CEP72: variants seen among roughly 807,000 people sequenced by gnomAD.
CEP72 encodes centrosomal protein of 72 kDa.
Under a neutral mutation model 65.7 loss-of-function variants are expected in CEP72, and 78 were observed. The ratio of observed to expected loss-of-function variants is 1.19; its 90% CI spans 0.99 to 1.43. The LOEUF is 1.43. CEP72 is among the 40% of genes most tolerant of loss of function. The pLI, the probability that CEP72 is intolerant of heterozygous loss-of-function variation, is 0.00. For synonymous variants in CEP72, 358 were observed against 351.7 expected, an observed-to-expected ratio of 1.02 and a Z score of -0.20; for missense variants, 914 against 832.9, an observed-to-expected ratio of 1.10 and a Z score of -1.20.
downstream of CEP72, chr5:660,225 ATAT>A (rs1561073291): frequency 3.3e-5 from 5 of 151,420 alleles, no homozygotes; most frequent in African/African-American, 1.2e-4. Flanking sequence ...ATATATATAT[ATAT>A]AAATTTGTTT....
chr5:651,361 A>T (rs556452846), intron 11 of CEP72, among the ~76,000 whole-genome samples: 1 of 139,402 alleles, frequency 7.2e-6, no homozygotes, highest in Non-Finnish European at 1.6e-5. Context: ...TGACTGAGGC[A>T]TGGACTGTGA....
At chr5:627,494 G>A (rs1051185899) in intron 4 of CEP72, among the ~76,000 whole-genome samples, 6 of 152,218 alleles carry the variant, frequency 3.9e-5, no homozygotes, top group Non-Finnish European at 8.8e-5. Context: ...GTGGGTTAGA[G>A]TGTCACAGTC....
At chr5:637,133 C>A (rs539334433) in intron 6 of CEP72, among the ~76,000 whole-genome samples, 1 of 152,226 alleles carries the variant, frequency 6.6e-6, no homozygotes, top group Non-Finnish European at 1.5e-5. Flanking sequence ...TGTCACTTCA[C>A]CTGTCTTCAG....
intron 6 of CEP72, 74 bp downstream of exon 6, chr5:635,658 A>G: frequency 8.0e-7 from 1 of 1,243,142 alleles, no homozygotes. Flanking sequence ...TATAAAGAAC[A>G]GAAGCTTATG....
downstream of CEP72, among the ~76,000 whole-genome samples, chr5:669,226 C>T (rs1015091038): frequency 3.9e-5 from 6 of 152,174 alleles, no homozygotes; most frequent in African/African-American, 9.7e-5. Context: ...ATTCCAGACC[C>T]GCCGGCCATA....
intron 8 of CEP72, among the ~76,000 whole-genome samples, 184 bp from the exon 9 acceptor site, chr5:640,224 C>T (rs1023673406): frequency 1.3e-5 from 2 of 152,212 alleles, no homozygotes; most frequent in Admixed American, 6.5e-5. Context: ...CAGTTCCCAC[C>T]CTGCCCGTGT....
Position 647,814 on chromosome 5 carries a change from C to T in CEP72, c.1676C>T (p.Thr559Ile). ...TTTCTTTCTCTTTCAGGACTTCAAA[C>T]AAGTGTGAAGAGGCTGTGTGGCGAG... ...TLNLQIAGLQTSVKRLCGEIV... is the reference protein window; with the variant it reads ...TLNLQIAGLQISVKRLCGEIV... Residue 559 changes from threonine to isoleucine, a missense_variant, in exon 11 of 12, where the codon ACA becomes ATA. Transcript: ENST00000264935. The T allele has an allele frequency of 2.5e-6, 4 of 1,608,238 alleles. No homozygotes were observed. The South Asian group carries it at 3.3e-5, about 13-fold the overall frequency.
Position 624,145 on chromosome 5 carries a change from G to T in CEP72, c.404-326G>T, listed in dbSNP as rs1356335362. On this transcript the variant is annotated intron_variant, in intron 3 of 11. Coordinates refer to ENST00000264935, the MANE Select transcript of CEP72 (RefSeq NM_018140.4). The surrounding 1 kb of genome is among the most constrained non-coding windows in gnomAD (Gnocchi z 4.7). ...AGGCTCCCTCCGTGGAGGCTTCTCT[G>T]GGTTACCTGAGTGTGACTTGAGAAT... Among the ~76,000 whole-genome samples the T allele has an allele frequency of 6.6e-6, 1 of 152,192 alleles. No individual in the cohort carries two copies. The highest frequency in any genetic ancestry group is 2.4e-5 in the African/African-American group (1 of 41,442).
chr5:617,223 C>T (rs990347375), intron 1 of CEP72, among the ~76,000 whole-genome samples: 12 of 152,250 alleles, frequency 7.9e-5, no homozygotes, highest in Admixed American at 5.9e-4. Flanking sequence ...TGCCGAGGCC[C>T]CTGGCTGGTT....
downstream of CEP72, among the ~76,000 whole-genome samples, chr5:659,228 T>C (rs4957083): frequency 0.13 from 20,338 of 152,318 alleles, 1,746 homozygotes; most frequent in Admixed American, 0.19. Context: ...CTCTCCATGC[T>C]CCTGTTCTGC....
intron 9 of CEP72, chr5:642,713 C>A: frequency 1.0e-6 from 1 of 985,418 alleles, no homozygotes; most frequent in Non-Finnish European, 1.2e-6. Context: ...GTGAGTGATC[C>A]AGAAGAATCT....
At chr5:671,029 C>G (rs2126882794), downstream of CEP72, among the ~76,000 whole-genome samples, 1 of 152,286 alleles carries the variant, frequency 6.6e-6, no homozygotes, top group Middle Eastern at 3.4e-3. Flanking sequence ...GGCCAGGGCC[C>G]TCCCATTGCT....
At chr5:635,293 G>T (rs1472867862) in intron 5 of CEP72, 79 bp from the exon 6 acceptor site, 1 of 1,150,516 alleles carries the variant, frequency 8.7e-7, no homozygotes, top group Non-Finnish European at 1.3e-6. Flanking sequence ...ACACTATTCA[G>T]AAGCTTAAAA....
intron 7 of CEP72, among the ~76,000 whole-genome samples, 171 bp downstream of exon 7, chr5:637,989 C>T (rs1356492702): frequency 6.6e-6 from 1 of 151,864 alleles, no homozygotes; most frequent in Non-Finnish European, 1.5e-5. Context: ...CCGTGTCCCT[C>T]CCTGATGCGG....
At chr5:672,060 C>G (rs1014991692), downstream of CEP72, among the ~76,000 whole-genome samples, 3 of 152,250 alleles carry the variant, frequency 2.0e-5, no homozygotes, top group Non-Finnish European at 4.4e-5. Context: ...TCCAAACACA[C>G]TGTGACCTGG....
Position 624,510 on chromosome 5 carries a change from G to A in CEP72, c.443G>A (p.Arg148Gln), listed in dbSNP as rs1157420804. 2.5e-6 allele frequency: 4 copies of A among 1,614,092 alleles called. No homozygotes were observed. Among genetic ancestry groups the A allele is most frequent in the South Asian group, 1.1e-5 (1 of 91,080 alleles). Residue 148 changes from arginine (R) to glutamine (Q), a missense_variant, in exon 4 of 12, where the codon CGA (arginine) becomes CAA (glutamine). Arg to Gln is a conservative substitution (Grantham distance 43). Coordinates refer to ENST00000264935, the MANE Select transcript of CEP72 (RefSeq NM_018140.4). The surrounding 1 kb of genome is among the most constrained non-coding windows in gnomAD (Gnocchi z 4.7). ...AGAGCAAGCGAGCGGAAGGCTTCCC[G>A]ACTGCATTTTGCATCAGAGGACTCA... Reference protein sequence around the residue: ...PVRASERKASRLHFASEDSLD... With the variant: ...PVRASERKASQLHFASEDSLD...
chr5:642,483 C>T, intron 9 of CEP72: 1 of 985,290 alleles, frequency 1.0e-6, no homozygotes, highest in Non-Finnish European at 1.2e-6. Flanking sequence ...CTGTGGGACA[C>T]AGTCAGGCAC....
chr5:615,008 G>A (rs1016376110), intron 1 of CEP72, among the ~76,000 whole-genome samples: 6 of 151,202 alleles, frequency 4.0e-5, no homozygotes, highest in Admixed American at 2.6e-4. Flanking sequence ...ACCCTTAACT[G>A]TAATTGTGGA....
chr5:653,356 C>T lies in CEP72; in HGVS notation c.*203C>T, dbSNP rs1739237781. ...AAATGATATGATTACTCCAAGCCCTCTGCATGTTTTCAGACAGAACACATT... is the reference window on the plus strand; with the variant it reads ...AAATGATATGATTACTCCAAGCCCTTTGCATGTTTTCAGACAGAACACATT... On this transcript the variant is annotated 3_prime_UTR_variant, in exon 12 of 12. Transcript: ENST00000264935. 2 of 461,562 alleles carry T rather than the reference C, an allele frequency of 4.3e-6. No individual in the cohort carries two copies. Among genetic ancestry groups the T allele is most frequent in the Admixed American group, 3.9e-5 (1 of 25,504 alleles). 28.6% of individuals were successfully genotyped at this position (461,562 alleles called of 1,614,324 possible). A position where few individuals can be genotyped will look rare whatever the true frequency, so the allele number is the denominator to read the frequency against.
Sources: allele counts gnomAD v4.1 joint callset (sites outside exome capture counted in the v4.1 genomes callset), GRCh38; gene constraint gnomAD v4.1.1; non-coding constraint Gnocchi (gnomAD v3.1); transcripts MANE v1.5; gene names NCBI Gene and HGNC (gene_info 2026-07-23, HGNC 2026-07-21).